ATL2: variants seen among roughly 807,000 people sequenced by gnomAD.
ATL2 encodes the protein atlastin GTPase 2.
ATL2 carries 31 observed loss-of-function variants against 73.9 expected under a neutral mutation model. The observed-to-expected ratio is 0.42, with a 90% CI of 0.32 to 0.57. The LOEUF (loss-of-function observed/expected upper bound fraction) is 0.57. Ranked by LOEUF, ATL2 falls within the 20% of genes least tolerant of loss-of-function variation. The pLI, the probability that ATL2 is intolerant of heterozygous loss-of-function variation, is 0.14. For missense variants in ATL2, 738 were observed against 702.6 expected, an observed-to-expected ratio of 1.05 and a Z score of -0.57; for synonymous variants, 291 against 237.5, an observed-to-expected ratio of 1.23 and a Z score of -2.07.
At chr2:38,304,239 A>G (rs901043072) in intron 9 of ATL2, among the ~76,000 whole-genome samples, 3 of 152,224 alleles carry the variant, frequency 2.0e-5, no homozygotes, top group Non-Finnish European at 4.4e-5. Context: ...GCCAGGAGAG[A>G]GTAGCATGAC....
chr2:38,370,598 C>T (rs1396596059), intron 1 of ATL2, among the ~76,000 whole-genome samples: 1 of 151,846 alleles, frequency 6.6e-6, no homozygotes, highest in Non-Finnish European at 1.5e-5. Flanking sequence ...TGGTAAGACC[C>T]GTCTCTACTA....
Position 38,294,143 on chromosome 2 carries a change from C to G in ATL2, c.*1851G>C, listed in dbSNP as rs1666756088. Among the ~76,000 whole-genome samples the G allele has an allele frequency of 6.6e-6, 1 of 152,180 alleles. No individual in the cohort carries two copies. The highest frequency in any genetic ancestry group is 2.4e-5 in the African/African-American group (1 of 41,444). ...AATTTAATACAGATGAAAACAAATA[C>G]AATCCATATAAAAACAGAATCTGAA... On this transcript the variant is annotated 3_prime_UTR_variant, in exon 13 of 13. Transcript: ENST00000378954.
chr2:38,318,486 G>A, intron 4 of ATL2, 49 bp downstream of exon 4: 3 of 1,379,844 alleles, frequency 2.2e-6, no homozygotes, highest in African/African-American at 3.0e-5. Flanking sequence ...AAAAAAAAGG[G>A]GCCAAATGAT....
At chr2:38,364,544 T>C (rs574443372) in intron 1 of ATL2, among the ~76,000 whole-genome samples, 1 of 152,374 alleles carries the variant, frequency 6.6e-6, no homozygotes, top group East Asian at 1.9e-4. Context: ...GGCCAAATTA[T>C]TCCATATTTG....
chr2:38,296,514 A>G, intron 12 of ATL2: 1 of 1,613,962 alleles, frequency 6.2e-7, no homozygotes, highest in Admixed American at 1.7e-5. Flanking sequence ...GTTGGATGAC[A>G]GTCTCTGTCG....
At position 38,363,109 on chromosome 2, in the gene ATL2, T is replaced by C. The variant is rs114944730; in HGVS notation, c.118+14034A>G. ...CTTTGTGGAGTAGCTATGAGTTTCC[T>C]TGTTTCCATAAAGGAGTACACTGAA... On this transcript the variant is annotated intron_variant, in intron 1 of 12. Coordinates refer to ENST00000378954, the MANE Select transcript of ATL2 (RefSeq NM_001135673.4). Among the ~76,000 whole-genome samples, 1,499 of 152,336 alleles carry C rather than the reference T, an allele frequency of 9.8e-3. 29 individuals carry two copies. The highest frequency in any genetic ancestry group is 0.034 in the African/African-American group (1,410 of 41,564).
At chr2:38,360,219 T>C (rs1270550788) in intron 1 of ATL2, among the ~76,000 whole-genome samples, 2 of 150,796 alleles carry the variant, frequency 1.3e-5, no homozygotes, top group African/African-American at 2.4e-5. Context: ...CTTTGTTAGC[T>C]AGTCAGGAGA....
intron 1 of ATL2, among the ~76,000 whole-genome samples, chr2:38,368,346 A>G (rs1261959992): frequency 3.6e-5 from 5 of 139,402 alleles, no homozygotes; most frequent in African/African-American, 1.3e-4. Flanking sequence ...TCCACCTCCC[A>G]GGTTCAAGCG....
chr2:38,331,496 G>A (rs1186303308), intron 2 of ATL2, among the ~76,000 whole-genome samples: 1 of 146,136 alleles, frequency 6.8e-6, no homozygotes, highest in Non-Finnish European at 1.5e-5. Flanking sequence ...TGTAGTCCCA[G>A]CTACTTGGAA....
intron 1 of ATL2, chr2:38,375,986 G>T: frequency 8.7e-7 from 1 of 1,155,240 alleles, no homozygotes; most frequent in Non-Finnish European, 1.1e-6. Flanking sequence ...GTGAGTCCTT[G>T]TGGTTAACAT....
rs761254087 is a variant in ATL2, at chr2:38,325,906, TAAAAAAAAAA to T, written c.364-6897_364-6888del. Among the ~76,000 whole-genome samples, 177 of 52,052 alleles carry T rather than the reference TAAAAAAAAAA, an allele frequency of 3.4e-3. 9 individuals carry two copies. In the South Asian group the frequency reaches 0.12, roughly 35 times the overall value. The allele number at this position is 52,052 out of a possible 152,430, so 34.1% of individuals were successfully genotyped here. ...TTAAGGTTTTGTTTGTTTGTTTGTT[TAAAAAAAAAA>T]AAAAAAAAAAAAAAAGAGGGTCATA... On this transcript the variant is annotated intron_variant, in intron 2 of 12. Coordinates refer to ENST00000378954, the MANE Select transcript of ATL2 (RefSeq NM_001135673.4).
intron 2 of ATL2, among the ~76,000 whole-genome samples, chr2:38,340,772 A>G (rs991135631): frequency 3.9e-5 from 6 of 152,238 alleles, no homozygotes; most frequent in African/African-American, 1.4e-4. Flanking sequence ...ACATTATCCA[A>G]AAATCAGATA....
intron 4 of ATL2, among the ~76,000 whole-genome samples, 174 bp from the exon 5 acceptor site, chr2:38,315,508 T>C (rs956717819): frequency 1.3e-5 from 2 of 152,110 alleles, no homozygotes; most frequent in African/African-American, 4.8e-5. Context: ...TTCCTAACAA[T>C]AGTCAAGATA....
chr2:38,364,496 G>C (rs1671191919), intron 1 of ATL2, among the ~76,000 whole-genome samples: 1 of 152,200 alleles, frequency 6.6e-6, no homozygotes, highest in African/African-American at 2.4e-5. Context: ...AGTAAAAATG[G>C]AAGAGCTAGT....
chr2:38,298,180 T>C lies in ATL2; in HGVS notation c.1596A>G (p.Thr532=), dbSNP rs746634594. Reference sequence around the variant, plus strand: ...GTGTTTCAGCAATCTGATCAATCACTGTTCCAATTTCTCTGAACTCCCCAG... The same window carrying C: ...GTGTTTCAGCAATCTGATCAATCACCGTTCCAATTTCTCTGAACTCCCCAG... ...KYSGEFREIG[T]VIDQIAETLW... is the part of the protein sequence containing the mutation. The change falls in exon 12 of 13, where the codon ACA becomes ACG. Residue 532 remains threonine (T), a synonymous_variant. Coordinates refer to ENST00000378954, the MANE Select transcript of ATL2 (RefSeq NM_001135673.4). 2 of 1,613,902 alleles carry C rather than the reference T, an allele frequency of 1.2e-6. No homozygotes were observed. The highest frequency in any genetic ancestry group is 4.5e-5 in the East Asian group (2 of 44,874).
At chr2:38,360,492 G>C (rs1558451544) in intron 1 of ATL2, among the ~76,000 whole-genome samples, 1 of 152,046 alleles carries the variant, frequency 6.6e-6, no homozygotes, top group Non-Finnish European at 1.5e-5. Context: ...ATGTTGCCCA[G>C]GCTGGTCTCA....
At chr2:38,351,448 C>A (rs551612605) in intron 1 of ATL2, among the ~76,000 whole-genome samples, 3 of 151,668 alleles carry the variant, frequency 2.0e-5, no homozygotes, top group South Asian at 2.1e-4. Flanking sequence ...ATTATGCAGC[C>A]TAAAAAACAC....
At chr2:38,371,491 ACCT>A (rs1310056693) in intron 1 of ATL2, among the ~76,000 whole-genome samples, 1 of 151,882 alleles carries the variant, frequency 6.6e-6, no homozygotes, top group Non-Finnish European at 1.5e-5. Context: ...ACAGGGCAAG[ACCT>A]CGTTTCAAAA....
At chr2:38,335,987 G>C (rs1669338410) in intron 2 of ATL2, among the ~76,000 whole-genome samples, 1 of 152,180 alleles carries the variant, frequency 6.6e-6, no homozygotes, top group Admixed American at 6.6e-5. Flanking sequence ...CTGCACTCCA[G>C]CCTGGGCGCC....
Sources: allele counts gnomAD v4.1 joint callset (sites outside exome capture counted in the v4.1 genomes callset), GRCh38; gene constraint gnomAD v4.1.1; transcripts MANE v1.5; gene names NCBI Gene and HGNC (gene_info 2026-07-23, HGNC 2026-07-21).